Variants in WWOX observed in about 807,000 individuals in gnomAD.
WWOX encodes WW domain containing oxidoreductase.
Under a neutral mutation model 46.2 loss-of-function variants are expected in WWOX, and 69 were observed. The ratio of observed to expected loss-of-function variants is 1.49; its 90% confidence interval spans 1.23 to 1.82. The LOEUF is 1.82. Ranked by LOEUF, WWOX falls within the 40% of genes most tolerant of loss-of-function variation. WWOX has a pLI of 0.00. For missense variants in WWOX, 919 were observed against 542.6 expected (o/e 1.69, Z -6.89); for synonymous variants, 359 against 202.6 (o/e 1.77, Z -6.56).
intron 8 of WWOX, among the ~76,000 whole-genome samples, chr16:79,108,733 C>G (rs901946155): frequency 2.0e-5 from 3 of 152,004 alleles, no homozygotes; most frequent in Admixed American, 1.3e-4. Flanking sequence ...GAGACCCCAC[C>G]TCTACAAAAA....
At chr16:79,075,232 A>C (rs2048632816) in intron 8 of WWOX, among the ~76,000 whole-genome samples, 1 of 152,196 alleles carries the variant, frequency 6.6e-6, no homozygotes, top group African/African-American at 2.4e-5. Context: ...CCTAAGTTTG[A>C]AAACTACTGG....
intron 8 of WWOX, among the ~76,000 whole-genome samples, chr16:78,619,654 C>T (rs1053137519): frequency 6.6e-6 from 1 of 151,880 alleles, no homozygotes; most frequent in Non-Finnish European, 1.5e-5. Flanking sequence ...TCTGTAAAGC[C>T]AGCACTTCGG....
chr16:78,753,292 C>T (rs1234250997), intron 8 of WWOX, among the ~76,000 whole-genome samples: 1 of 151,760 alleles, frequency 6.6e-6, no homozygotes, highest in Non-Finnish European at 1.5e-5. Flanking sequence ...AGACTCCAGC[C>T]TGAGCGACAG....
intron 8 of WWOX, among the ~76,000 whole-genome samples, chr16:78,807,381 C>T (rs1450967677): frequency 6.6e-6 from 1 of 152,208 alleles, no homozygotes; most frequent in South Asian, 2.1e-4. Context: ...TAAAACTATT[C>T]TTGTTCTTCT....
In WWOX at chr16:79,174,531, C is replaced by G. The variant is rs533351336; in HGVS notation, c.1057-37077C>G. ...AGGCGTGGTGGCGCATGCCTATAAT[C>G]CCAGCTACTCTGGGCCTGAGGCAGG... On this transcript the variant is annotated intron_variant, in intron 8 of 8. Transcript: ENST00000566780. Among the ~76,000 whole-genome samples the G allele has an allele frequency of 6.6e-5, 10 of 152,322 alleles. No homozygotes were observed. In the South Asian group the frequency reaches 8.3e-4, roughly 13 times the overall value.
intron 8 of WWOX, among the ~76,000 whole-genome samples, chr16:78,829,086 AGATGGATGGATGGATGGATG>A (rs59225171): frequency 4.1e-5 from 6 of 147,604 alleles, no homozygotes; most frequent in South Asian, 2.2e-4. Flanking sequence ...TCCATCTGGA[AGATGGATGGATGGATGGATG>A]GATGGATGGA....
intron 8 of WWOX, among the ~76,000 whole-genome samples, chr16:78,763,642 C>T (rs974904840): frequency 6.6e-6 from 1 of 152,186 alleles, no homozygotes; most frequent in Non-Finnish European, 1.5e-5. Context: ...ACTGTATGCC[C>T]AGCACCTAGT....
intron 8 of WWOX, among the ~76,000 whole-genome samples, chr16:78,998,884 G>T (rs80227158): frequency 0.024 from 3,621 of 152,276 alleles, 161 homozygotes; most frequent in African/African-American, 0.083. Flanking sequence ...CCTGGCAGGG[G>T]CGGTGTCCGA....
intron 8 of WWOX, among the ~76,000 whole-genome samples, chr16:78,943,936 T>C (rs1167501173): frequency 6.6e-6 from 1 of 152,140 alleles, no homozygotes; most frequent in African/African-American, 2.4e-5. Context: ...AAGGCCTCCA[T>C]TGCCTGGTTT....
chr16:78,721,505 G>A (rs1310040234), intron 8 of WWOX, among the ~76,000 whole-genome samples: 19 of 152,154 alleles, frequency 1.2e-4, no homozygotes, highest in Non-Finnish European at 2.5e-4. Flanking sequence ...TGCTGGTGGC[G>A]GGGTTGTGGG....
intron 8 of WWOX, among the ~76,000 whole-genome samples, chr16:78,858,142 G>GA (rs2052610409): frequency 4.7e-5 from 5 of 105,846 alleles, no homozygotes; most frequent in Non-Finnish European, 2.1e-5. Context: ...TACATTGTGT[G>GA]TTTGTGTGTG....
At chr16:79,172,077 G>C (rs1462819681) in intron 8 of WWOX, among the ~76,000 whole-genome samples, 1 of 152,198 alleles carries the variant, frequency 6.6e-6, no homozygotes, top group Non-Finnish European at 1.5e-5. Flanking sequence ...CCCTGTGTTA[G>C]CACGTGACTG....
At chr16:78,583,817 C>T (rs1046367598) in intron 8 of WWOX, among the ~76,000 whole-genome samples, 21 of 152,166 alleles carry the variant, frequency 1.4e-4, no homozygotes, top group African/African-American at 4.8e-4. Context: ...TGAAAGAGTC[C>T]ACTGCAGATG....
At chr16:79,023,123 G>C (rs1010473021) in intron 8 of WWOX, among the ~76,000 whole-genome samples, 1 of 152,120 alleles carries the variant, frequency 6.6e-6, no homozygotes, top group Non-Finnish European at 1.5e-5. Context: ...GGTTTAAGGA[G>C]GGGGAATGTG....
chr16:78,610,832 A>G (rs79692270), intron 8 of WWOX, among the ~76,000 whole-genome samples: 2,669 of 152,210 alleles, frequency 0.018, 36 homozygotes, highest in Non-Finnish European at 0.026. Flanking sequence ...ATTATTATTA[A>G]TAGTTTGTAT....
chr16:78,186,871 A>T (rs528003351), intron 5 of WWOX, among the ~76,000 whole-genome samples: 1 of 152,324 alleles, frequency 6.6e-6, no homozygotes, highest in Admixed American at 6.5e-5. Context: ...GGTACCCTTA[A>T]CCCAGCTTCC....
intron 8 of WWOX, among the ~76,000 whole-genome samples, chr16:78,441,529 G>A (rs1045295929): frequency 4.6e-5 from 7 of 152,130 alleles, no homozygotes; most frequent in African/African-American, 1.7e-4. Flanking sequence ...ACATGTAAGG[G>A]ACGTATCCAG....
intron 8 of WWOX, among the ~76,000 whole-genome samples, chr16:78,585,420 C>G (rs1032883401): frequency 6.6e-6 from 1 of 152,174 alleles, no homozygotes; most frequent in Admixed American, 6.5e-5. Context: ...TTGACTCTTA[C>G]AGCCTTTGAC....
chr16:78,118,025 C>A (rs1039055095), intron 4 of WWOX, among the ~76,000 whole-genome samples: 6 of 131,662 alleles, frequency 4.6e-5, no homozygotes, highest in African/African-American at 1.3e-4. Flanking sequence ...TCCAGTGGTT[C>A]TTTCTTTCTT....
Sources: allele counts gnomAD v4.1 joint callset (sites outside exome capture counted in the v4.1 genomes callset), GRCh38; gene constraint gnomAD v4.1.1; transcripts MANE v1.5; gene names NCBI Gene and HGNC (gene_info 2026-07-23, HGNC 2026-07-21).